Variants in SIPA1L3 observed in about 807,000 individuals in gnomAD.
SIPA1L3 encodes signal-induced proliferation-associated 1-like protein 3.
Under a neutral mutation model 150.1 loss-of-function variants are expected in SIPA1L3, and 59 were observed. The observed-to-expected ratio is 0.39, with a 90% CI of 0.32 to 0.49. The LOEUF (loss-of-function observed/expected upper bound fraction) is 0.49, where lower values mean the gene tolerates loss of function less well. Among genes scored for constraint, SIPA1L3 ranks in the 20% least tolerant of loss-of-function variants. The pLI, the probability that SIPA1L3 is intolerant of heterozygous loss-of-function variation, is 0.86. For synonymous variants in SIPA1L3, 1,070 were observed against 1,077.6 expected (o/e 0.99, Z 0.14); for missense variants, 2,211 against 2,489.5 (o/e 0.89, Z 2.38).
chr19:37,972,142 T>C (rs1966955461), intron 1 of SIPA1L3, among the ~76,000 whole-genome samples: 1 of 150,662 alleles, frequency 6.6e-6, no homozygotes, highest in African/African-American at 2.5e-5. Context: ...ATGTTTAGCT[T>C]TTTTAGGAAT....
At chr19:38,100,175 G>A in intron 5 of SIPA1L3, 25 bp downstream of exon 5, 5 of 1,515,322 alleles carry the variant, frequency 3.3e-6, no homozygotes, top group Non-Finnish European at 3.5e-6. Context: ...GGAGGTGGGG[G>A]TGCTGCTGGG....
intron 4 of SIPA1L3, among the ~76,000 whole-genome samples, chr19:38,089,992 G>A (rs990174525): frequency 6.6e-6 from 1 of 152,054 alleles, no homozygotes; most frequent in Non-Finnish European, 1.5e-5. Flanking sequence ...TGGGAACATG[G>A]AGATGGGCTG....
rs769583244 is a variant in SIPA1L3 at position 38,192,238 on chromosome 19, C to T, written c.4524C>T (p.Ser1508=). ...GGTCACCACGGAAGAACTACAAATCCACCATCGAGGATGACCTGAAGAAAC... is the reference window on the plus strand; with the variant it reads ...GGTCACCACGGAAGAACTACAAATCTACCATCGAGGATGACCTGAAGAAAC... ...DLRSPRKNYK[S]TIEDDLKKLI... The change falls in exon 17 of 22, where the codon TCC becomes TCT. Residue 1508 remains serine (S), a synonymous_variant. Transcript: ENST00000222345. 9 of 1,613,658 alleles carry T rather than the reference C, an allele frequency of 5.6e-6. No homozygotes were observed. Among genetic ancestry groups the T allele is most frequent in the African/African-American group, 1.3e-5 (1 of 74,852 alleles).
chr19:37,941,470 T>C (rs922217960), intron 1 of SIPA1L3, among the ~76,000 whole-genome samples: 45 of 149,972 alleles, frequency 3.0e-4, no homozygotes, highest in African/African-American at 9.2e-4. Flanking sequence ...TTTTTTTTTT[T>C]CCTGCAGAGA....
rs1354650255 is a variant in SIPA1L3, at chr19:38,162,359, C to A, written c.3768C>A (p.Asn1256Lys). The A allele has an allele frequency of 1.2e-6, 2 of 1,613,832 alleles. No individual in the cohort carries two copies. Among genetic ancestry groups the A allele is most frequent in the Non-Finnish European group, 8.5e-7 (1 of 1,179,698 alleles). ...ATGCAGCAGGCAAAGATTCCCCCAA[C>A]AGGCATTCCAAAGTGAGTCTGGGCC... is the stretch of plus-strand genomic sequence containing the variant. ...RQDAAGKDSP[N>K]RHSKGEPQYS... Residue 1256 changes from asparagine to lysine, a missense_variant, in exon 14 of 22, where the codon AAC (asparagine) becomes AAA (lysine). Transcript: ENST00000222345.
chr19:38,010,659 C>T (rs1364887150), intron 1 of SIPA1L3, among the ~76,000 whole-genome samples: 1 of 151,946 alleles, frequency 6.6e-6, no homozygotes, highest in Admixed American at 6.6e-5. Flanking sequence ...TGCAGTGAGC[C>T]GAGATCGCAC....
At chr19:38,133,970 C>G (rs1213007416) in intron 10 of SIPA1L3, among the ~76,000 whole-genome samples, 1 of 151,984 alleles carries the variant, frequency 6.6e-6, no homozygotes, top group Non-Finnish European at 1.5e-5. Context: ...ATAGCAAGAC[C>G]TCGCCACTAC....
At chr19:37,975,764 G>A (rs550994366) in intron 1 of SIPA1L3, among the ~76,000 whole-genome samples, 4 of 152,246 alleles carry the variant, frequency 2.6e-5, no homozygotes, top group Non-Finnish European at 4.4e-5. Flanking sequence ...CTTGGTTGTG[G>A]GAGTCAGGGG....
At chr19:37,985,618 T>A (rs913719598) in intron 1 of SIPA1L3, among the ~76,000 whole-genome samples, 2 of 152,138 alleles carry the variant, frequency 1.3e-5, no homozygotes, top group African/African-American at 4.8e-5. Context: ...AATCTGAGAC[T>A]TGAAAGATGA....
At chr19:38,126,953 G>A (rs1221777499) in intron 9 of SIPA1L3, among the ~76,000 whole-genome samples, 1 of 151,928 alleles carries the variant, frequency 6.6e-6, no homozygotes, top group Non-Finnish European at 1.5e-5. Flanking sequence ...AGCACTTTGG[G>A]AGGCCAAGGC....
intron 16 of SIPA1L3, among the ~76,000 whole-genome samples, chr19:38,188,529 G>A (rs1275241314): frequency 6.6e-6 from 1 of 152,102 alleles, no homozygotes; most frequent in African/African-American, 2.4e-5. Flanking sequence ...GTCCAGTCCT[G>A]TCAGTCAGAA....
intron 1 of SIPA1L3, among the ~76,000 whole-genome samples, chr19:38,016,531 C>T (rs898389434): frequency 2.0e-5 from 3 of 152,032 alleles, no homozygotes; most frequent in South Asian, 4.2e-4. Context: ...GAGTCTCTGT[C>T]GCTGAGGCTA....
intron 12 of SIPA1L3, among the ~76,000 whole-genome samples, chr19:38,144,034 G>A (rs1185970947): frequency 6.6e-6 from 1 of 152,110 alleles, no homozygotes; most frequent in African/African-American, 2.4e-5. Flanking sequence ...CCTTGATGGT[G>A]TTCCTTCCTT....
intron 1 of SIPA1L3, among the ~76,000 whole-genome samples, chr19:37,995,516 G>T (rs1318726714): frequency 2.0e-5 from 3 of 152,288 alleles, no homozygotes; most frequent in African/African-American, 7.2e-5. Flanking sequence ...TAGATGAGCT[G>T]CAAGTGCGGG....
chr19:38,130,979 C>T (rs542412604), intron 10 of SIPA1L3: 8 of 576,642 alleles, frequency 1.4e-5, no homozygotes, highest in East Asian at 5.9e-5. Flanking sequence ...GCCCTTCATA[C>T]GTGCATGATC....
chr19:37,949,128 T>G (rs2046738921), intron 1 of SIPA1L3, among the ~76,000 whole-genome samples: 1 of 152,214 alleles, frequency 6.6e-6, no homozygotes, highest in Non-Finnish European at 1.5e-5. Flanking sequence ...TCTCCTGGCA[T>G]CAGGATCGAT....
chr19:37,953,233 T>C (rs1214828953), intron 1 of SIPA1L3, among the ~76,000 whole-genome samples: 1 of 152,188 alleles, frequency 6.6e-6, no homozygotes, highest in Non-Finnish European at 1.5e-5. Context: ...TCTGCAGTTT[T>C]TTTCCTCTTT....
At chr19:38,097,679 C>A (rs1156494417) in intron 4 of SIPA1L3, among the ~76,000 whole-genome samples, 1 of 152,198 alleles carries the variant, frequency 6.6e-6, no homozygotes, top group Non-Finnish European at 1.5e-5. Flanking sequence ...GCCTCAGCCT[C>A]CCAAGTAGCT....
chr19:38,096,060 T>A (rs555007252), intron 4 of SIPA1L3, among the ~76,000 whole-genome samples: 11 of 152,312 alleles, frequency 7.2e-5, no homozygotes, highest in Admixed American at 2.6e-4. Flanking sequence ...GAGATTTGTT[T>A]GTTTGTTAAT....
Sources: gnomAD v4.1 joint callset for allele counts (sites outside exome capture counted in the v4.1 genomes callset) on GRCh38, gnomAD v4.1.1 for gene constraint, MANE v1.5 for transcripts, NCBI Gene and HGNC (gene_info 2026-07-23, HGNC 2026-07-21) for gene names.